The following AEBP2 variants were observed in gnomAD, a reference collection of about 807,000 sequenced individuals.
AEBP2 encodes the protein zinc finger protein AEBP2.
In AEBP2, 10 loss-of-function variants were observed where a neutral mutation model predicts 50.8. That is an observed-to-expected ratio of 0.20 (90% confidence interval 0.12 to 0.33). The LOEUF (loss-of-function observed/expected upper bound fraction) is 0.33, where lower values mean the gene tolerates loss of function less well. Ranked by LOEUF, AEBP2 falls within the 10% of genes least tolerant of loss-of-function variation. AEBP2 has a pLI of 1.00. For missense variants in AEBP2, 570 were observed against 688.0 expected (o/e 0.83, Z 1.92); for synonymous variants, 296 against 261.3 (o/e 1.13, Z -1.28).
intron 1 of AEBP2, among the ~76,000 whole-genome samples, chr12:19,419,895 G>A (rs543346923): frequency 8.0e-5 from 12 of 149,932 alleles, no homozygotes; most frequent in East Asian, 4.1e-4. Context: ...GCACCACTGC[G>A]CTCCAGCCTG....
At chr12:19,481,593 C>A (rs1017267179) in intron 3 of AEBP2, among the ~76,000 whole-genome samples, 4 of 152,112 alleles carry the variant, frequency 2.6e-5, no homozygotes, top group African/African-American at 9.7e-5. Flanking sequence ...ATTCTCATGC[C>A]TCATCCTCCC....
At chr12:19,491,750 C>G (rs975230519) in intron 3 of AEBP2, among the ~76,000 whole-genome samples, 4 of 151,900 alleles carry the variant, frequency 2.6e-5, no homozygotes, top group Non-Finnish European at 5.9e-5. Context: ...AAACATATAA[C>G]TGTTCTGCTA....
upstream of AEBP2, among the ~76,000 whole-genome samples, chr12:19,438,848 A>G (rs1160802314): frequency 6.6e-6 from 1 of 152,224 alleles, no homozygotes; most frequent in Non-Finnish European, 1.5e-5. Flanking sequence ...TTAAATCCCT[A>G]TGGTATTTAG....
intron 1 of AEBP2, among the ~76,000 whole-genome samples, chr12:19,450,818 A>G (rs536386099): frequency 6.7e-6 from 1 of 148,982 alleles, no homozygotes; most frequent in South Asian, 2.1e-4. Context: ...CTCCTGCCTG[A>G]GTGACAAGAG....
chr12:19,410,322 T>C (rs1592701022), intron 1 of AEBP2, among the ~76,000 whole-genome samples: 1 of 152,178 alleles, frequency 6.6e-6, no homozygotes, highest in Non-Finnish European at 1.5e-5. Context: ...TTTCTGCCAC[T>C]ATTCTTTCCC....
intron 5 of AEBP2, among the ~76,000 whole-genome samples, chr12:19,511,161 A>G (rs539590704): frequency 4.6e-4 from 70 of 152,246 alleles, no homozygotes; most frequent in African/African-American, 1.6e-3. Flanking sequence ...TCCAAAAGCT[A>G]TGAACTCCAG....
chr12:19,406,432 A>T (rs536578773), intron 1 of AEBP2, among the ~76,000 whole-genome samples: 18 of 152,262 alleles, frequency 1.2e-4, no homozygotes, highest in African/African-American at 4.3e-4. Context: ...ATAGACGCAC[A>T]CTTTGGGAGG....
chr12:19,486,794 C>T (rs1948815986), intron 3 of AEBP2, among the ~76,000 whole-genome samples: 1 of 151,224 alleles, frequency 6.6e-6, no homozygotes, highest in Non-Finnish European at 1.5e-5. Context: ...ACTACCAGTC[C>T]TTTCTTTTCT....
intron 6 of AEBP2, among the ~76,000 whole-genome samples, chr12:19,514,187 A>T (rs900342903): frequency 2.0e-5 from 3 of 151,908 alleles, no homozygotes; most frequent in Non-Finnish European, 4.4e-5. Context: ...TTTAGTACAG[A>T]TGGGGTTTCA....
In AEBP2 at chr12:19,440,359, C is replaced by T. The variant is rs777377666; in HGVS notation, c.660C>T (p.Asp220=). The change falls in exon 1 of 8, where the codon GAC becomes GAT. Residue 220 remains aspartate (D), a synonymous_variant. Coordinates refer to ENST00000266508, the MANE Select transcript of AEBP2 (RefSeq NM_153207.5). ...SSDGEPLSRM[D]SEDSISSTIM... is the part of the protein sequence containing the mutation. ...ATGGGGAACCCCTGAGCCGCATGGA[C>T]TCGGAGGACAGGTCAGTGCTCTGAA... The T allele has an allele frequency of 1.5e-5, 22 of 1,470,656 alleles. No individual in the cohort carries two copies. The African/African-American group carries it at 2.5e-4, about 16-fold the overall frequency. 91.1% of individuals were successfully genotyped at this position (1,470,656 alleles called of 1,614,324 possible). A position where few individuals can be genotyped will look rare whatever the true frequency, so the allele number is the denominator to read the frequency against.
At chr12:19,428,439 C>T (rs1368140802) in intron 1 of AEBP2, among the ~76,000 whole-genome samples, 5 of 152,148 alleles carry the variant, frequency 3.3e-5, no homozygotes, top group African/African-American at 1.2e-4. Flanking sequence ...TGTGTCCCAG[C>T]CCATGAACAG....
At chr12:19,516,598 A>G (rs1949321885) in intron 7 of AEBP2, among the ~76,000 whole-genome samples, 2 of 152,338 alleles carry the variant, frequency 1.3e-5, no homozygotes, top group East Asian at 3.9e-4. Context: ...TCTGAAGTGC[A>G]TAGGAACAAT....
intron 1 of AEBP2, chr12:19,440,791 T>C: frequency 6.5e-7 from 1 of 1,528,938 alleles, no homozygotes; most frequent in Non-Finnish European, 8.8e-7. Context: ...GTGTTTCCAA[T>C]ATGGCTGGTC....
chr12:19,434,066 C>T (rs1296383956), intron 1 of AEBP2, among the ~76,000 whole-genome samples: 2 of 151,746 alleles, frequency 1.3e-5, no homozygotes, highest in African/African-American at 2.4e-5. Flanking sequence ...AGGATGGTCT[C>T]GATCTCCTGA....
chr12:19,429,445 C>T (rs2095750293), intron 1 of AEBP2, among the ~76,000 whole-genome samples: 1 of 152,144 alleles, frequency 6.6e-6, no homozygotes, highest in African/African-American at 2.4e-5. Context: ...CACACGTGTG[C>T]ATGTGTCTTT....
intron 3 of AEBP2, among the ~76,000 whole-genome samples, chr12:19,479,062 A>T (rs1948690336): frequency 6.6e-6 from 1 of 152,136 alleles, no homozygotes; most frequent in Non-Finnish European, 1.5e-5. Flanking sequence ...TAAAAGAATT[A>T]GTTGAACATG....
At chr12:19,491,440 A>G (rs1414695858) in intron 3 of AEBP2, among the ~76,000 whole-genome samples, 8 of 152,204 alleles carry the variant, frequency 5.3e-5, no homozygotes, top group Admixed American at 5.2e-4. Context: ...ATACTGCTTT[A>G]TATGTATGTT....
intron 3 of AEBP2, among the ~76,000 whole-genome samples, chr12:19,474,956 C>T (rs998126224): frequency 9.2e-5 from 14 of 152,026 alleles, no homozygotes; most frequent in African/African-American, 1.9e-4. Flanking sequence ...TCACGCCTGG[C>T]GAATTTTTAT....
intron 1 of AEBP2, among the ~76,000 whole-genome samples, chr12:19,434,152 G>C (rs1276287971): frequency 1.3e-5 from 2 of 149,646 alleles, no homozygotes. Flanking sequence ...GCCAACTCTA[G>C]TTTTTTTATT....
Sources: gnomAD v4.1 joint callset for allele counts (sites outside exome capture counted in the v4.1 genomes callset) on GRCh38, gnomAD v4.1.1 for gene constraint, MANE v1.5 for transcripts, NCBI Gene and HGNC (gene_info 2026-07-23, HGNC 2026-07-21) for gene names.